The following AKR1B10 variants were observed in gnomAD, a reference collection of about 807,000 sequenced individuals.
The protein encoded by AKR1B10 is ARP.
A neutral mutation model predicts 38.9 loss-of-function variants in AKR1B10; 39 were observed. The observed-to-expected ratio is 1.00, with a 90% CI of 0.78 to 1.31. The LOEUF is 1.31. AKR1B10 is among the 50% of genes most tolerant of loss of function. The probability of loss-of-function intolerance (pLI) is 0.00; values close to 1 mark genes in which losing one functional copy is unlikely to be tolerated. For missense variants in AKR1B10, 361 were observed against 382.6 expected, an observed-to-expected ratio of 0.94 and a Z score of 0.47; for synonymous variants, 148 against 141.2, an observed-to-expected ratio of 1.05 and a Z score of -0.34.
At chr7:134,541,010 C>CA in intron 9 of AKR1B10, 37 bp from the exon 10 acceptor site, 1 of 1,445,338 alleles carries the variant, frequency 6.9e-7, no homozygotes, top group Admixed American at 1.7e-5. Context: ...TGATGGAACT[C>CA]AGTTTCTCTG....
At chr7:134,537,771 T>C in intron 7 of AKR1B10, 110 bp downstream of exon 7, 8 of 1,312,898 alleles carry the variant, frequency 6.1e-6, no homozygotes, top group Non-Finnish European at 8.5e-6. Context: ...ATATAGGAGC[T>C]GAAGCCCTCT....
Position 134,527,728 on chromosome 7 carries a change from C to CTT in AKR1B10, c.-184_-183insTT. ...GGGAGTCACGGTGGGCGCCTGTAAT[C>CTT]CCAGCTACTCGGGAGGCTGAGGCAG... On this transcript the variant is annotated 5_prime_UTR_variant, in exon 1 of 10. Transcript: ENST00000359579. 1 of 500,064 alleles carries CTT rather than the reference C, an allele frequency of 2.0e-6. No individual in the cohort carries two copies. The highest frequency in any genetic ancestry group is 3.1e-6 in the Non-Finnish European group (1 of 323,110). The allele number at this position is 500,064 out of a possible 1,614,324, so 31.0% of individuals were successfully genotyped here. A position where few individuals can be genotyped will look rare whatever the true frequency, so the allele number is the denominator to read the frequency against.
In AKR1B10 at chr7:134,530,582, C is replaced by T. The variant is rs574454445; in HGVS notation, c.67-61C>T. ...GAGTGTGAGGCCAGCCTGGGCAACA[C>T]GGCAGGGCCCCATCTCTTAAAAAAA... On this transcript the variant is annotated intron_variant, in intron 1 of 9. Transcript: ENST00000359579. 1,068 of 1,588,994 alleles carry T rather than the reference C, an allele frequency of 6.7e-4. 6 individuals carry two copies. The highest frequency in any genetic ancestry group is 2.4e-3 in the South Asian group (210 of 88,078).
At chr7:134,535,152 T>C (rs2117546687) in intron 4 of AKR1B10, among the ~76,000 whole-genome samples, 1 of 152,324 alleles carries the variant, frequency 6.6e-6, no homozygotes, top group Non-Finnish European at 1.5e-5. Flanking sequence ...TAAAAAAATT[T>C]CTTTTTGTAG....
At chr7:134,540,288 C>T (rs1407467607) in intron 9 of AKR1B10, among the ~76,000 whole-genome samples, 1 of 152,146 alleles carries the variant, frequency 6.6e-6, no homozygotes, top group Non-Finnish European at 1.5e-5. Flanking sequence ...CTATCCTGCC[C>T]ACCCTAAGTA....
intron 9 of AKR1B10, among the ~76,000 whole-genome samples, chr7:134,540,401 T>C (rs1347899208): frequency 0.022 from 1 of 46 alleles, no homozygotes; most frequent in Non-Finnish European, 0.056. Context: ...AAAGTGGGAC[T>C]CACCCCCCAA....
intron 8 of AKR1B10, 90 bp from the exon 9 acceptor site, chr7:134,538,845 T>G: frequency 6.8e-7 from 1 of 1,466,504 alleles, no homozygotes; most frequent in Non-Finnish European, 9.5e-7. Flanking sequence ...GCTGTGAATG[T>G]GAGCTCCCTC....
chr7:134,536,017 G>C (rs1807991353), intron 4 of AKR1B10, among the ~76,000 whole-genome samples: 1 of 152,226 alleles, frequency 6.6e-6, no homozygotes, highest in African/African-American at 2.4e-5. Context: ...AGGAAGCATG[G>C]CTGGATATGC....
intron 6 of AKR1B10, among the ~76,000 whole-genome samples, 182 bp downstream of exon 6, chr7:134,537,339 C>A (rs138166076): frequency 0.07 from 10,065 of 144,724 alleles, 557 homozygotes; most frequent in East Asian, 0.22. Context: ...AACAACAACA[C>A]CAAGGGCGAC....
chr7:134,527,722 TG>T lies in AKR1B10; in HGVS notation c.-189del. 1.4e-5 allele frequency: 6 copies of T among 431,246 alleles called. No individual in the cohort carries two copies. Among genetic ancestry groups the T allele is most frequent in the African/African-American group, 2.6e-5 (1 of 38,242 alleles). The allele number at this position is 431,246 out of a possible 1,614,324, so 26.7% of individuals were successfully genotyped here. ...TTAGCTGGGAGTCACGGTGGGCGCC[TG>T]TAATCCCAGCTACTCGGGAGGCTGA... On this transcript the variant is annotated 5_prime_UTR_variant, in exon 1 of 10. Coordinates refer to ENST00000359579, the MANE Select transcript of AKR1B10 (RefSeq NM_020299.5).
At chr7:134,534,236 C>T (rs2117544931) in intron 4 of AKR1B10, among the ~76,000 whole-genome samples, 1 of 152,280 alleles carries the variant, frequency 6.6e-6, no homozygotes, top group African/African-American at 2.4e-5. Flanking sequence ...ATTCTCCTGC[C>T]TCAGCCTCCT....
In AKR1B10 at chr7:134,532,102, T is replaced by A. The variant is rs535644853; in HGVS notation, c.351+78T>A. ...TAGTAGCTGCACCAGGGCTGTGGGG[T>A]GGTGTGGACTGGGGCAGGAGGCCTT... On this transcript the variant is annotated intron_variant, in intron 3 of 9. Transcript: ENST00000359579. 2.6e-6 allele frequency: 4 copies of A among 1,543,854 alleles called. No individual in the cohort carries two copies. In the Admixed American group the frequency reaches 5.0e-5, roughly 19 times the overall value.
chr7:134,531,719 A>T (rs1265285345), intron 2 of AKR1B10, among the ~76,000 whole-genome samples, 189 bp from the exon 3 acceptor site: 1 of 152,196 alleles, frequency 6.6e-6, no homozygotes, highest in Non-Finnish European at 1.5e-5. Context: ...TGCTTTTAAC[A>T]CTTAAGACAT....
chr7:134,530,861 A>G lies in AKR1B10; in HGVS notation c.234+51A>G, dbSNP rs564609231. ...CCTTCACTTCAAGGCAGGCAGAAGT[A>G]TCTGGGTCGGGTTGGCAGCAAGAAC... is the stretch of plus-strand genomic sequence containing the variant. On this transcript the variant is annotated intron_variant, in intron 2 of 9. Coordinates refer to ENST00000359579, the MANE Select transcript of AKR1B10 (RefSeq NM_020299.5). The G allele has an allele frequency of 9.0e-6, 14 of 1,563,976 alleles. No homozygotes were observed. In the Admixed American group the frequency reaches 1.9e-4, roughly 21 times the overall value.
intron 1 of AKR1B10, among the ~76,000 whole-genome samples, chr7:134,529,722 A>G (rs1039850325): frequency 6.6e-6 from 1 of 152,140 alleles, no homozygotes; most frequent in Non-Finnish European, 1.5e-5. Flanking sequence ...TTTTGCCCCC[A>G]TCATTGGCTT....
rs566697534 is a variant in AKR1B10, at chr7:134,531,665, A to G, written c.235-243A>G. Reference sequence around the variant, plus strand: ...ATCTGTGGCCACATTTACTTCAATGATCTGAGACACGTATAGAGTACTAGG... The same window carrying G: ...ATCTGTGGCCACATTTACTTCAATGGTCTGAGACACGTATAGAGTACTAGG... On this transcript the variant is annotated intron_variant, in intron 2 of 9. Transcript: ENST00000359579. 3.3e-5 allele frequency among the ~76,000 whole-genome samples: 5 copies of G among 152,318 alleles called. No individual in the cohort carries two copies. The East Asian group carries it at 9.6e-4, about 29-fold the overall frequency.
chr7:134,535,404 A>G (rs1807968105), intron 4 of AKR1B10, among the ~76,000 whole-genome samples: 1 of 152,180 alleles, frequency 6.6e-6, no homozygotes, highest in African/African-American at 2.4e-5. Flanking sequence ...TGCTGAGATT[A>G]CAGTCATGAG....
At position 134,537,107 on chromosome 7, in the gene AKR1B10, G is replaced by A. The variant is rs376395703; in HGVS notation, c.609G>A (p.Lys203=). The A allele has an allele frequency of 3.2e-5, 51 of 1,596,812 alleles. No individual in the cohort carries two copies. Among genetic ancestry groups the A allele is most frequent in the East Asian group, 4.5e-5 (2 of 44,122 alleles). The change falls in exon 6 of 10, where the codon AAG becomes AAA. Residue 203 remains lysine (K), a synonymous_variant. Coordinates refer to ENST00000359579, the MANE Select transcript of AKR1B10 (RefSeq NM_020299.5). Reference sequence around the variant, plus strand: ...AACTGATCCAGTACTGCCACTCCAAGGGCATCACCGTTACGGCCTACAGCC... The same window carrying A: ...AACTGATCCAGTACTGCCACTCCAAAGGCATCACCGTTACGGCCTACAGCC... ...QEKLIQYCHS[K]GITVTAYSPL... is the part of the protein sequence containing the mutation.
chr7:134,536,916 G>T lies in AKR1B10; in HGVS notation c.553-135G>T. The T allele has an allele frequency of 2.5e-6, 4 of 1,578,110 alleles. No individual in the cohort carries two copies. In the South Asian group the frequency reaches 3.6e-5, roughly 14 times the overall value. On this transcript the variant is annotated intron_variant, in intron 5 of 9. Transcript: ENST00000359579. ...TGGGGAGGTGTGAGGCTGATCTCAC[G>T]GGTGATTTAGCAAGTATCTCAGTGG...
Sources: gnomAD v4.1 joint callset for allele counts (sites outside exome capture counted in the v4.1 genomes callset) on GRCh38, gnomAD v4.1.1 for gene constraint, MANE v1.5 for transcripts, NCBI Gene and HGNC (gene_info 2026-07-23, HGNC 2026-07-21) for gene names.